Variants in GALK2 observed in about 807,000 individuals in gnomAD.
The protein encoded by GALK2 is galactokinase 2, also known as N-acetylgalactosamine kinase.
GALK2 carries 36 observed loss-of-function variants against 52.4 expected under a neutral mutation model. The ratio of observed to expected loss-of-function variants is 0.69; its 90% confidence interval spans 0.53 to 0.91. The LOEUF is 0.91. Among genes scored for constraint, GALK2 ranks in the 40% least tolerant of loss-of-function variants. The pLI, the probability that GALK2 is intolerant of heterozygous loss-of-function variation, is 0.00. For synonymous variants in GALK2, 176 were observed against 199.1 expected (o/e 0.88, Z 0.98); for missense variants, 579 against 559.1 (o/e 1.04, Z -0.36).
At chr15:49,245,444 A>G (rs1784484066) in intron 5 of GALK2, among the ~76,000 whole-genome samples, 1 of 152,198 alleles carries the variant, frequency 6.6e-6, no homozygotes, top group African/African-American at 2.4e-5. Context: ...GAAGAACTGA[A>G]TAGAATGAAA....
chr15:49,348,030 A>G (rs2041775382), intron 3 of GALK2, among the ~76,000 whole-genome samples: 1 of 151,706 alleles, frequency 6.6e-6, no homozygotes, highest in African/African-American at 2.4e-5. Flanking sequence ...AAAAAAAAAA[A>G]AAAAAAAAAA....
intron 1 of GALK2, among the ~76,000 whole-genome samples, chr15:49,177,117 A>C (rs2085522882): frequency 6.6e-6 from 1 of 151,892 alleles, no homozygotes; most frequent in Non-Finnish European, 1.5e-5. Flanking sequence ...AATGACACTC[A>C]AAGTTCTTTT....
At chr15:49,228,674 TA>T in intron 3 of GALK2, among the ~76,000 whole-genome samples, 1 of 13,152 alleles carries the variant, frequency 7.6e-5, no homozygotes, top group African/African-American at 3.0e-4. Flanking sequence ...TATATATATA[TA>T]TATATATATA....
intron 3 of GALK2, among the ~76,000 whole-genome samples, chr15:49,337,656 C>T (rs903154187): frequency 6.6e-6 from 1 of 151,940 alleles, no homozygotes; most frequent in East Asian, 1.9e-4. Flanking sequence ...GGTATTTCTC[C>T]TAATGCTATC....
In GALK2 at chr15:49,299,812, G is replaced by GTTCTTTCTTTCTTT. The variant is rs1555428444; in HGVS notation, c.967+7275_967+7276insTTCTTTCTTTCTTT. 1.1e-3 allele frequency among the ~76,000 whole-genome samples: 147 copies of GTTCTTTCTTTCTTT among 128,016 alleles called. 3 individuals carry two copies. The highest frequency in any genetic ancestry group is 4.2e-3 in the Middle Eastern group (1 of 236). 84.0% of individuals were successfully genotyped at this position (128,016 alleles called of 152,430 possible). On this transcript the variant is annotated intron_variant, in intron 8 of 9. Coordinates refer to ENST00000560031, the MANE Select transcript of GALK2 (RefSeq NM_002044.4). ...CTTTCTTTCGTGCTGTAGTCTGAGA[G>GTTCTTTCTTTCTTT]CGTGATTGGTATGATTTTTTTTTTA...
At chr15:49,186,658 A>G (rs1443568828) in intron 1 of GALK2, among the ~76,000 whole-genome samples, 2 of 149,426 alleles carry the variant, frequency 1.3e-5, no homozygotes, top group African/African-American at 4.9e-5. Flanking sequence ...TCCTGCCTCA[A>G]CCTCCGAGTA....
At chr15:49,311,167 T>C (rs1444036251) in intron 8 of GALK2, among the ~76,000 whole-genome samples, 2 of 152,220 alleles carry the variant, frequency 1.3e-5, no homozygotes, top group Admixed American at 1.3e-4. Flanking sequence ...TCAATCTAAC[T>C]GGAATTTTTA....
At chr15:49,354,213 A>G (rs1438347573) in intron 3 of GALK2, among the ~76,000 whole-genome samples, 2 of 152,170 alleles carry the variant, frequency 1.3e-5, no homozygotes, top group Non-Finnish European at 2.9e-5. Context: ...CACTATTTAC[A>G]TGTTTAAAAA....
At chr15:49,228,688 T>TATATATATTTATTTATTTA in intron 3 of GALK2, among the ~76,000 whole-genome samples, 1 of 10,452 alleles carries the variant, frequency 9.6e-5, no homozygotes, top group African/African-American at 3.4e-4. Flanking sequence ...TATATATATA[T>TATATATATTTATTTATTTA]TTTTTTTTTT....
At chr15:49,342,422 T>G (rs962171207) in intron 3 of GALK2, among the ~76,000 whole-genome samples, 1 of 152,168 alleles carries the variant, frequency 6.6e-6, no homozygotes, top group African/African-American at 2.4e-5. Flanking sequence ...GGGGTGGGTG[T>G]TGTTACTTGT....
At chr15:49,236,608 G>A (rs1308455278) in intron 4 of GALK2, among the ~76,000 whole-genome samples, 1 of 152,172 alleles carries the variant, frequency 6.6e-6, no homozygotes. Context: ...AATTGAAAAA[G>A]TATCAAGGAC....
chr15:49,174,893 A>G (rs148741541), intron 1 of GALK2, among the ~76,000 whole-genome samples: 285 of 152,320 alleles, frequency 1.9e-3, no homozygotes, highest in Middle Eastern at 6.8e-3. Context: ...AGATAGTAGA[A>G]AGAAGAGCTT....
chr15:49,354,253 C>T (rs1226653060), intron 3 of GALK2, among the ~76,000 whole-genome samples: 2 of 152,138 alleles, frequency 1.3e-5, no homozygotes, highest in African/African-American at 4.8e-5. Context: ...CCAAGATGGC[C>T]GAATAGGAAC....
intron 1 of GALK2, among the ~76,000 whole-genome samples, chr15:49,197,403 G>C (rs2087332643): frequency 6.6e-6 from 1 of 152,012 alleles, no homozygotes; most frequent in Admixed American, 6.6e-5. Flanking sequence ...TTTTATACAG[G>C]TTGAGTATCC....
intron 2 of GALK2, among the ~76,000 whole-genome samples, chr15:49,204,251 G>A (rs1179456069): frequency 6.6e-6 from 1 of 151,916 alleles, no homozygotes; most frequent in African/African-American, 2.4e-5. Flanking sequence ...AAGTCAGATA[G>A]TGTGATGCCT....
At chr15:49,334,098 G>A (rs1443016345), downstream of GALK2, 1 of 176,246 alleles carries the variant, frequency 5.7e-6, no homozygotes, top group Non-Finnish European at 1.1e-5. Flanking sequence ...ATTAAAGAAA[G>A]TTAAAATGTT....
upstream of GALK2, among the ~76,000 whole-genome samples, chr15:49,166,219 G>A (rs1036009593): frequency 7.2e-5 from 11 of 152,142 alleles, no homozygotes; most frequent in Non-Finnish European, 1.6e-4. Context: ...TGCTTTGTAT[G>A]ACTGGGCAAG....
chr15:49,283,271 A>G (rs983586440), intron 6 of GALK2, among the ~76,000 whole-genome samples: 3 of 152,156 alleles, frequency 2.0e-5, no homozygotes, highest in Non-Finnish European at 4.4e-5. Flanking sequence ...TGCTTCAGCT[A>G]TGTATCCATA....
At chr15:49,223,185 A>T (rs992910458) in intron 3 of GALK2, 1 of 152,124 alleles carries the variant, frequency 6.6e-6, no homozygotes, top group Non-Finnish European at 1.5e-5. Flanking sequence ...ATAGTTGTTC[A>T]TAACAGTGTC....
Sources: allele counts gnomAD v4.1 joint callset (sites outside exome capture counted in the v4.1 genomes callset), GRCh38; gene constraint gnomAD v4.1.1; transcripts MANE v1.5; gene names NCBI Gene and HGNC (gene_info 2026-07-23, HGNC 2026-07-21).